Variants in MAPK10 observed in about 807,000 individuals in gnomAD.
The protein encoded by MAPK10 is mitogen-activated protein kinase 10, also known as JNK3 alpha protein kinase.
Under a neutral mutation model 59.3 loss-of-function variants are expected in MAPK10, and 25 were observed. The observed-to-expected ratio is 0.42, with a 90% CI of 0.31 to 0.59. The LOEUF (loss-of-function observed/expected upper bound fraction) is 0.59. MAPK10 is among the 20% of genes least tolerant of loss of function. The pLI is 0.15. For missense variants in MAPK10, 351 were observed against 568.9 expected (o/e 0.62, Z 3.90); for synonymous variants, 190 against 200.5 (o/e 0.95, Z 0.44).
chr4:86,189,609 A>T (rs766857807), intron 3 of MAPK10, among the ~76,000 whole-genome samples: 1 of 152,182 alleles, frequency 6.6e-6, no homozygotes, highest in Admixed American at 6.5e-5. Flanking sequence ...GTATCTTGAG[A>T]CTTTGCTGAA....
At position 86,093,847 on chromosome 4, in the gene MAPK10, G is replaced by A. The variant is rs138834148; in HGVS notation, c.802+4677C>T. On this transcript the variant is annotated intron_variant, in intron 9 of 13. Coordinates refer to ENST00000641462, the MANE Select transcript of MAPK10 (RefSeq NM_138982.4). The stretch of plus-strand genomic sequence containing the variant: ...TAGCAGGCACACTAGTGGTAAAAAT[G>A]TATTCTTTTAAACAAATTCAAATAA... Among the ~76,000 whole-genome samples the A allele has an allele frequency of 7.6e-3, 1,152 of 151,784 alleles. 13 individuals carry two copies. The highest frequency in any genetic ancestry group is 0.026 in the African/African-American group (1,095 of 41,476).
chr4:86,135,274 T>G (rs1364057303), intron 4 of MAPK10, among the ~76,000 whole-genome samples: 3 of 152,178 alleles, frequency 2.0e-5, no homozygotes, highest in Admixed American at 6.5e-5. Flanking sequence ...CTCTGCAGAC[T>G]TAAATGTCCC....
intron 1 of MAPK10, among the ~76,000 whole-genome samples, chr4:86,532,316 G>C (rs1757914075): frequency 6.6e-6 from 1 of 152,076 alleles, no homozygotes; most frequent in African/African-American, 2.4e-5. Flanking sequence ...TATAAGGCAA[G>C]AAGTGCTAAC....
At chr4:86,421,552 A>G (rs1746544748) in intron 1 of MAPK10, among the ~76,000 whole-genome samples, 1 of 152,156 alleles carries the variant, frequency 6.6e-6, no homozygotes, top group Non-Finnish European at 1.5e-5. Flanking sequence ...CTGAGCTTGT[A>G]TCTAAAAAAG....
At position 86,411,280 on chromosome 4, in the gene MAPK10, T is replaced by C. The variant is rs567585688; in HGVS notation, c.-122+41750A>G. On this transcript the variant is annotated intron_variant, in intron 1 of 13. Coordinates refer to the MAPK10 transcript ENST00000361569. ...GGTGTGAGAGACTTCTTTGTTGTGA[T>C]TTCTGTTCTTTTGCATTTGCTGAGG... is the stretch of plus-strand genomic sequence containing the variant. 4.5e-4 allele frequency among the ~76,000 whole-genome samples: 69 copies of C among 152,344 alleles called. 1 individual carries two copies. Among genetic ancestry groups the C allele is most frequent in the African/African-American group, 1.6e-3 (66 of 41,590 alleles).
chr4:86,343,183 G>T lies in MAPK10; in HGVS notation c.-7+11347C>A, dbSNP rs6831589. 6.3e-3 allele frequency among the ~76,000 whole-genome samples: 953 copies of T among 152,204 alleles called. 7 individuals are homozygous for T. The highest frequency in any genetic ancestry group is 0.021 in the African/African-American group (857 of 41,534). On this transcript the variant is annotated intron_variant, in intron 2 of 13. Transcript: ENST00000641462. ...AATATGTTCGCATTTCCACCCCAGTGCTGTCTTCCTCATGAAGACCTCCTG... is the reference window on the plus strand; with the variant it reads ...AATATGTTCGCATTTCCACCCCAGTTCTGTCTTCCTCATGAAGACCTCCTG...
At chr4:86,277,672 C>T (rs2094630678) in intron 2 of MAPK10, among the ~76,000 whole-genome samples, 1 of 152,072 alleles carries the variant, frequency 6.6e-6, no homozygotes, top group South Asian at 2.1e-4. Context: ...GCTTAATAAC[C>T]AGTGTTACTT....
At chr4:86,156,962 T>C (rs2067965228) in intron 4 of MAPK10, among the ~76,000 whole-genome samples, 1 of 152,110 alleles carries the variant, frequency 6.6e-6, no homozygotes, top group Non-Finnish European at 1.5e-5. Context: ...AGATAATCTT[T>C]TCTTTCCCTC....
At chr4:86,169,112 G>A (rs1278405712) in intron 3 of MAPK10, among the ~76,000 whole-genome samples, 18 of 151,786 alleles carry the variant, frequency 1.2e-4, no homozygotes, top group Middle Eastern at 6.8e-3. Context: ...CAAAGATGGG[G>A]AAAAAACAGA....
chr4:86,454,178 C>G (rs1263536278), upstream of MAPK10, among the ~76,000 whole-genome samples: 3 of 152,102 alleles, frequency 2.0e-5, no homozygotes. Flanking sequence ...ACCAGAAAAC[C>G]AACTCTGGTA....
chr4:86,353,641 T>C (rs1732836329), intron 2 of MAPK10, among the ~76,000 whole-genome samples: 1 of 152,170 alleles, frequency 6.6e-6, no homozygotes, highest in Non-Finnish European at 1.5e-5. Flanking sequence ...ATGAAATAAC[T>C]CTAGGATTAA....
chr4:86,242,994 G>T (rs540806587), intron 2 of MAPK10, among the ~76,000 whole-genome samples: 1 of 152,214 alleles, frequency 6.6e-6, no homozygotes, highest in African/African-American at 2.4e-5. Flanking sequence ...GCACAGTTCC[G>T]TGGGAAAAGC....
At chr4:86,407,615 A>C (rs555757357) in intron 1 of MAPK10, among the ~76,000 whole-genome samples, 1 of 152,304 alleles carries the variant, frequency 6.6e-6, no homozygotes, top group East Asian at 1.9e-4. Flanking sequence ...AGAGCTCCTT[A>C]ATCTCTAGAT....
At chr4:86,022,528 G>A (rs1747768260) in intron 13 of MAPK10, among the ~76,000 whole-genome samples, 1 of 151,062 alleles carries the variant, frequency 6.6e-6, no homozygotes. Context: ...CTTTTTTTAA[G>A]GACAGGGTCT....
At chr4:86,119,118 G>A (rs1371681867) in intron 4 of MAPK10, among the ~76,000 whole-genome samples, 5 of 151,994 alleles carry the variant, frequency 3.3e-5, no homozygotes, top group Non-Finnish European at 7.4e-5. Context: ...TATTTGTTGA[G>A]AATACTTTCA....
At chr4:86,257,262 C>A (rs559646057) in intron 2 of MAPK10, among the ~76,000 whole-genome samples, 1 of 152,120 alleles carries the variant, frequency 6.6e-6, no homozygotes, top group East Asian at 1.9e-4. Context: ...TTGAAAGAAG[C>A]AAAAGTCCAT....
chr4:86,178,987 GGT>G (rs2076292611), intron 3 of MAPK10, among the ~76,000 whole-genome samples: 1 of 152,090 alleles, frequency 6.6e-6, no homozygotes, highest in Admixed American at 6.6e-5. Context: ...CACATCACAA[GGT>G]CAGGAGATTG....
intron 1 of MAPK10, among the ~76,000 whole-genome samples, chr4:86,372,564 GAAAGA>G (rs1554253765): frequency 3.3e-4 from 26 of 78,714 alleles, no homozygotes; most frequent in African/African-American, 1.0e-3. Flanking sequence ...AAGAAAGAAA[GAAAGA>G]AAAGAAAAGA....
intron 1 of MAPK10, among the ~76,000 whole-genome samples, chr4:86,399,317 C>T (rs1347353708): frequency 1.3e-5 from 2 of 152,014 alleles, no homozygotes; most frequent in African/African-American, 4.8e-5. Context: ...TGAGATGGTA[C>T]TTCATTATGG....
Sources: allele counts gnomAD v4.1 joint callset (sites outside exome capture counted in the v4.1 genomes callset), GRCh38; gene constraint gnomAD v4.1.1; transcripts MANE v1.5; gene names NCBI Gene and HGNC (gene_info 2026-07-23, HGNC 2026-07-21).